Variants in GON4L observed in about 807,000 individuals in gnomAD.
The protein encoded by GON4L is gon-4 like, also known as GON-4-like protein.
A neutral mutation model predicts 211.8 loss-of-function variants in GON4L; 87 were observed. The observed-to-expected ratio is 0.41, with a 90% CI of 0.35 to 0.49. The LOEUF is 0.49. GON4L is among the 20% of genes least tolerant of loss of function. The pLI is 0.15. For missense variants in GON4L, 2,155 were observed against 2,659.5 expected (o/e 0.81, Z 4.17); for synonymous variants, 875 against 962.6 (o/e 0.91, Z 1.68).
intron 12 of GON4L, among the ~76,000 whole-genome samples, chr1:155,791,504 A>C (rs548307188): frequency 2.0e-5 from 3 of 152,006 alleles, no homozygotes; most frequent in African/African-American, 7.2e-5. Context: ...AAAAAAAAAA[A>C]AACTTAAGAA....
intron 29 of GON4L, 118 bp from the exon 30 acceptor site, chr1:155,752,708 G>T (rs74988525): frequency 1.4e-6 from 2 of 1,480,988 alleles, no homozygotes; most frequent in Non-Finnish European, 9.2e-7. Context: ...GGCTGGGCAT[G>T]GTGGCTCACA....
chr1:155,775,126 C>T lies in GON4L; in HGVS notation c.2226G>A (p.Gln742=), dbSNP rs1557848905. 4 of 1,614,010 alleles carry T rather than the reference C, an allele frequency of 2.5e-6. No individual in the cohort carries two copies. The highest frequency in any genetic ancestry group is 3.4e-6 in the Non-Finnish European group (4 of 1,180,036). Residue 742 remains glutamine (Q), a synonymous_variant, in exon 17 of 32, where the codon CAG becomes CAA. Coordinates refer to ENST00000368331, the MANE Select transcript of GON4L (RefSeq NM_001282860.2). ...FAQSSIALHH[Q]YNPKFQTLFQ... is the part of the protein sequence containing the mutation. ...ACAGGGTCTGAAACTTGGGGTTGTA[C>T]TGATGGTGAAGGGCGATGGAGCTTT...
chr1:155,857,485 C>A, upstream of GON4L, among the ~76,000 whole-genome samples: 1 of 152,238 alleles, frequency 6.6e-6, no homozygotes. Context: ...ATCCCGGCAC[C>A]TTGGGAGACG....
intron 13 of GON4L, 29 bp from the exon 14 acceptor site, chr1:155,784,118 C>T (rs1469368357): frequency 6.2e-7 from 1 of 1,612,140 alleles, no homozygotes; most frequent in African/African-American, 1.3e-5. Flanking sequence ...GAGGGTTTTC[C>T]TGGGGAATGG....
intron 18 of GON4L, among the ~76,000 whole-genome samples, chr1:155,771,901 C>T (rs369323029): frequency 3.3e-5 from 5 of 152,160 alleles, no homozygotes; most frequent in Non-Finnish European, 5.9e-5. Context: ...CAATGGCTCA[C>T]GCCTGTAATC....
intron 12 of GON4L, among the ~76,000 whole-genome samples, chr1:155,791,846 C>T (rs564686441): frequency 2.0e-5 from 3 of 149,604 alleles, no homozygotes; most frequent in South Asian, 2.1e-4. Context: ...CCAGCCTGGG[C>T]GACAACAGCG....
chr1:155,790,813 G>A (rs530383249), intron 12 of GON4L, among the ~76,000 whole-genome samples: 3 of 150,480 alleles, frequency 2.0e-5, no homozygotes, highest in African/African-American at 4.9e-5. Context: ...GCATGGTGGC[G>A]CGTGACTATA....
chr1:155,771,902 G>A (rs570636468), intron 18 of GON4L, among the ~76,000 whole-genome samples: 3 of 152,262 alleles, frequency 2.0e-5, no homozygotes, highest in South Asian at 4.1e-4. Context: ...AATGGCTCAC[G>A]CCTGTAATCC....
chr1:155,751,904 C>T (rs1304197597), intron 30 of GON4L, 35 bp from the exon 31 acceptor site: 6 of 1,611,758 alleles, frequency 3.7e-6, no homozygotes, highest in Non-Finnish European at 4.2e-6. Flanking sequence ...CCCTAGGGAG[C>T]CACATGGATG....
chr1:155,753,217 C>G lies in GON4L; in HGVS notation c.5829G>C (p.Glu1943Asp), dbSNP rs183379906. Reference sequence around the variant, plus strand: ...CAAATCACTCACCTGAAACAGGCATCTCTCCCTTTCTGGTGGTCCTGACAG... The same window carrying G: ...CAAATCACTCACCTGAAACAGGCATGTCTCCCTTTCTGGTGGTCCTGACAG... ...SRTVRTTRKG[E>D]MPVSAGLAVG... Residue 1943 changes from glutamate to aspartate, a missense_variant, in exon 29 of 32, where the codon GAG (glutamate) becomes GAC (aspartate). Around this residue, in one of 6 missense-constraint regions of GON4L, gnomAD observed 455 missense variants for 504.6 expected, o/e 0.90. Coordinates refer to ENST00000368331, the MANE Select transcript of GON4L (RefSeq NM_001282860.2). The G allele has an allele frequency of 1.4e-4, 225 of 1,602,262 alleles. No homozygotes were observed. The East Asian group carries it at 4.5e-3, about 32-fold the overall frequency.
intron 10 of GON4L, among the ~76,000 whole-genome samples, chr1:155,807,328 G>A (rs1667229215): frequency 6.6e-6 from 1 of 152,050 alleles, no homozygotes; most frequent in Non-Finnish European, 1.5e-5. Context: ...GAACACAGGA[G>A]GAGGTTGAGG....
chr1:155,833,219 T>C (rs572171476), intron 2 of GON4L, among the ~76,000 whole-genome samples: 14 of 152,298 alleles, frequency 9.2e-5, no homozygotes, highest in South Asian at 4.1e-4. Flanking sequence ...TATGAACCCA[T>C]AGTTATTTAT....
At chr1:155,785,004 G>A in intron 13 of GON4L, 1 of 387,886 alleles carries the variant, frequency 2.6e-6, no homozygotes, top group Non-Finnish European at 4.9e-6. Flanking sequence ...AGGAGGCTTA[G>A]ACGAAGGACT....
downstream of GON4L, chr1:155,748,102 T>G (rs1462619013): frequency 1.2e-6 from 2 of 1,607,884 alleles, no homozygotes. Flanking sequence ...GAGCCACCTG[T>G]CAACTTCCCT....
intron 6 of GON4L, 110 bp from the exon 7 acceptor site, chr1:155,816,372 A>T (rs890615902): frequency 1.5e-6 from 1 of 658,904 alleles, no homozygotes; most frequent in Non-Finnish European, 2.8e-6. Context: ...AAGTAACTGC[A>T]GTGATCTAGA....
intron 16 of GON4L, among the ~76,000 whole-genome samples, chr1:155,775,807 C>T (rs573159530): frequency 6.6e-6 from 1 of 152,086 alleles, no homozygotes; most frequent in Admixed American, 6.6e-5. Flanking sequence ...TATTTTGAGA[C>T]TGGGTCTCAC....
In GON4L at chr1:155,853,560, T is replaced by C; in HGVS notation, c.221A>G (p.Glu74Gly). The change falls in exon 2 of 32, where the codon GAG becomes GGG. Residue 74 changes from glutamate to glycine, a missense_variant. Physicochemically the swap from Glu to Gly is moderately conservative, Grantham distance 98. Coordinates refer to ENST00000368331, the MANE Select transcript of GON4L (RefSeq NM_001282860.2). Reference sequence around the variant, plus strand: ...CATTCCAGAGCTCAGAGATGTATCCTCCATACCAAGCTGATTTCCTGCATC... The same window carrying C: ...CATTCCAGAGCTCAGAGATGTATCCCCCATACCAAGCTGATTTCCTGCATC... ...LQDAGNQLGM[E>G]DTSLSSGMLT... 6.2e-7 allele frequency: 1 copy of C among 1,614,216 alleles called. No individual in the cohort carries two copies. Among genetic ancestry groups the C allele is most frequent in the South Asian group, 1.1e-5 (1 of 91,090 alleles).
At chr1:155,850,861 C>A (rs1214262000) in intron 2 of GON4L, among the ~76,000 whole-genome samples, 1 of 138,356 alleles carries the variant, frequency 7.2e-6, no homozygotes, top group Admixed American at 7.3e-5. Context: ...CCAGCGTGGC[C>A]AGCATGGTGA....
chr1:155,807,302 C>T (rs533550373), intron 10 of GON4L, among the ~76,000 whole-genome samples: 2 of 151,958 alleles, frequency 1.3e-5, no homozygotes, highest in Non-Finnish European at 2.9e-5. Context: ...CAAGAGCCAA[C>T]GTGGGAGGAT....
Sources: gnomAD v4.1 joint callset for allele counts (sites outside exome capture counted in the v4.1 genomes callset) on GRCh38, gnomAD v4.1.1 for gene constraint, gnomAD v4.1.1 regional missense constraint, MANE v1.5 for transcripts, NCBI Gene and HGNC (gene_info 2026-07-23, HGNC 2026-07-21) for gene names.